TDRD3: variants seen among roughly 807,000 people sequenced by gnomAD.
TDRD3 encodes the protein tudor domain containing 3.
TDRD3 carries 45 observed loss-of-function variants against 86.7 expected under a neutral mutation model. The ratio of observed to expected loss-of-function variants is 0.52; its 90% CI spans 0.41 to 0.67. TDRD3 has a LOEUF of 0.67. Ranked by LOEUF, TDRD3 falls within the 30% of genes least tolerant of loss-of-function variation. The probability of loss-of-function intolerance (pLI) is 0.00; values close to 1 mark genes in which losing one functional copy is unlikely to be tolerated. For missense variants in TDRD3, 814 were observed against 889.0 expected (o/e 0.92, Z 1.07); for synonymous variants, 298 against 301.7 (o/e 0.99, Z 0.13).
At chr13:60,496,287 CCA>C (rs1491210622) in intron 8 of TDRD3, among the ~76,000 whole-genome samples, 35 of 57,510 alleles carry the variant, frequency 6.1e-4, no homozygotes, top group East Asian at 1.9e-3. Flanking sequence ...TAACAAACTC[CCA>C]TATATATATA....
intron 12 of TDRD3, among the ~76,000 whole-genome samples, chr13:60,550,864 AC>A (rs1465512933): frequency 1.3e-5 from 2 of 152,154 alleles, no homozygotes; most frequent in Non-Finnish European, 2.9e-5. Context: ...GAACTATTGA[AC>A]ACTCAACTTT....
intron 4 of TDRD3, among the ~76,000 whole-genome samples, chr13:60,464,754 T>G (rs1955881497): frequency 6.6e-6 from 1 of 152,020 alleles, no homozygotes; most frequent in African/African-American, 2.4e-5. Flanking sequence ...TAAAAAAAAT[T>G]GATCTCCTGG....
chr13:60,410,667 G>A (rs1045100504), intron 1 of TDRD3, among the ~76,000 whole-genome samples: 6 of 152,130 alleles, frequency 3.9e-5, no homozygotes, highest in South Asian at 2.1e-4. Flanking sequence ...TCTCAGGATC[G>A]TTTTGATTTG....
intron 3 of TDRD3, among the ~76,000 whole-genome samples, chr13:60,456,425 T>C (rs1352499163): frequency 6.6e-6 from 1 of 152,170 alleles, no homozygotes; most frequent in Non-Finnish European, 1.5e-5. Flanking sequence ...ATACTTAATA[T>C]TGTTTGTTAG....
chr13:60,397,035 C>G (rs1953929491), upstream of TDRD3: 1 of 229,096 alleles, frequency 4.4e-6, no homozygotes, highest in Non-Finnish European at 8.4e-6. Context: ...AAAGCGCCCC[C>G]CAAAACAAGT....
At chr13:60,467,902 C>T (rs1955983880) in intron 5 of TDRD3, among the ~76,000 whole-genome samples, 1 of 152,108 alleles carries the variant, frequency 6.6e-6, no homozygotes, top group Non-Finnish European at 1.5e-5. Flanking sequence ...TACTTTGCTT[C>T]CAACAACCAT....
intron 1 of TDRD3, among the ~76,000 whole-genome samples, chr13:60,437,406 G>T (rs536936343): frequency 1.3e-5 from 2 of 151,898 alleles, no homozygotes; most frequent in Non-Finnish European, 2.9e-5. Context: ...GGTTAGAGGC[G>T]TGAGCCACTG....
chr13:60,529,299 G>T (rs1957528682), intron 11 of TDRD3, 82 bp downstream of exon 11: 2 of 1,427,560 alleles, frequency 1.4e-6, no homozygotes, highest in Non-Finnish European at 1.9e-6. Flanking sequence ...TGTCACTTTG[G>T]AACTATGAGT....
intron 2 of TDRD3, among the ~76,000 whole-genome samples, chr13:60,441,331 T>C (rs941721038): frequency 1.2e-4 from 19 of 152,248 alleles, no homozygotes; most frequent in African/African-American, 4.6e-4. Context: ...CTATAATTGG[T>C]ATGAAAATTT....
intron 1 of TDRD3, among the ~76,000 whole-genome samples, chr13:60,413,866 A>T (rs922099211): frequency 6.6e-6 from 1 of 152,102 alleles, no homozygotes; most frequent in Non-Finnish European, 1.5e-5. Flanking sequence ...AGTGTCTCAA[A>T]TTAAAGATAA....
intron 3 of TDRD3, among the ~76,000 whole-genome samples, chr13:60,449,826 A>G (rs956646660): frequency 6.6e-5 from 10 of 152,094 alleles, no homozygotes; most frequent in Admixed American, 5.9e-4. Context: ...TTTGCTGCAT[A>G]TGAATATCAT....
chr13:60,467,466 G>A, intron 5 of TDRD3, 87 bp downstream of exon 5: 2 of 1,461,150 alleles, frequency 1.4e-6, no homozygotes, highest in Non-Finnish European at 1.9e-6. Context: ...AGTAAAATTA[G>A]TTCTTTGTGT....
At chr13:60,466,169 T>C (rs1252253072) in intron 4 of TDRD3, among the ~76,000 whole-genome samples, 1 of 149,036 alleles carries the variant, frequency 6.7e-6, no homozygotes, top group African/African-American at 2.5e-5. Flanking sequence ...TTTGACTTGA[T>C]GGTGAACAAA....
At position 60,526,392 on chromosome 13, in the gene TDRD3, C is replaced by T. The variant is rs111971740; in HGVS notation, c.1142-1975C>T. Among the ~76,000 whole-genome samples, 510 of 152,182 alleles carry T rather than the reference C, an allele frequency of 3.4e-3. 4 individuals are homozygous for T. Among genetic ancestry groups the T allele is most frequent in the African/African-American group, 0.012 (486 of 41,506 alleles). ...GCAAATGCTGCTTTTATAAAAATGT[C>T]TGGAACAAAAGCCAATATATGCCTT... is the stretch of plus-strand genomic sequence containing the variant. On this transcript the variant is annotated intron_variant, in intron 10 of 13. Transcript: ENST00000377881.
At chr13:60,420,044 TGATA>T (rs558043780) in intron 1 of TDRD3, among the ~76,000 whole-genome samples, 91 of 152,072 alleles carry the variant, frequency 6.0e-4, no homozygotes, top group African/African-American at 2.0e-3. Context: ...CATCATGTAA[TGATA>T]GATATACTAG....
intron 12 of TDRD3, among the ~76,000 whole-genome samples, chr13:60,548,580 C>T (rs1452927279): frequency 6.6e-6 from 1 of 151,888 alleles, no homozygotes; most frequent in African/African-American, 2.4e-5. Context: ...TTTTTTTAAG[C>T]CTTGAACCAT....
intron 2 of TDRD3, among the ~76,000 whole-genome samples, chr13:60,440,034 T>C (rs569351798): frequency 8.0e-5 from 12 of 149,476 alleles, no homozygotes; most frequent in Admixed American, 7.9e-4. Flanking sequence ...AGTCATAGAC[T>C]TTTTTAACAT....
intron 10 of TDRD3, among the ~76,000 whole-genome samples, chr13:60,527,877 G>A (rs1164329023): frequency 6.6e-6 from 1 of 152,070 alleles, no homozygotes; most frequent in Non-Finnish European, 1.5e-5. Context: ...TAAACACTTA[G>A]CAATTCCAGA....
intron 3 of TDRD3, among the ~76,000 whole-genome samples, chr13:60,455,075 G>A (rs762805293): frequency 1.5e-4 from 23 of 152,030 alleles, no homozygotes; most frequent in South Asian, 6.2e-4. Flanking sequence ...CACCACGCCC[G>A]GCTAATTTTG....
Sources: gnomAD v4.1 joint callset for allele counts (sites outside exome capture counted in the v4.1 genomes callset) on GRCh38, gnomAD v4.1.1 for gene constraint, MANE v1.5 for transcripts, NCBI Gene and HGNC (gene_info 2026-07-23, HGNC 2026-07-21) for gene names.